The following EXOSC1 variants were observed in gnomAD, a reference collection of about 807,000 sequenced individuals.
EXOSC1 encodes the protein exosome component 1.
EXOSC1 carries 27 observed loss-of-function variants against 31.4 expected under a neutral mutation model. The observed-to-expected ratio is 0.86, with a 90% CI of 0.63 to 1.18. The LOEUF is 1.18. Among genes scored for constraint, EXOSC1 ranks in the 50% most tolerant of loss-of-function variants. The probability of loss-of-function intolerance (pLI) is 0.00; values close to 1 mark genes in which losing one functional copy is unlikely to be tolerated. For missense variants in EXOSC1, 228 were observed against 250.3 expected (o/e 0.91, Z 0.60); for synonymous variants, 84 against 89.5 (o/e 0.94, Z 0.35).
At chr10:97,445,614 A>T in intron 2 of EXOSC1, 118 bp downstream of exon 2, 1 of 859,872 alleles carries the variant, frequency 1.2e-6, no homozygotes, top group Admixed American at 2.6e-5. Flanking sequence ...AAACTAAGAG[A>T]CCAACATTGT....
At chr10:97,443,214 C>T in intron 3 of EXOSC1, 23 bp downstream of exon 3, 1 of 1,603,316 alleles carries the variant, frequency 6.2e-7, no homozygotes, top group Non-Finnish European at 8.5e-7. Context: ...GCATTCTAAG[C>T]ATGGAGGTCA....
At position 97,445,950 on chromosome 10, in the gene EXOSC1, C is replaced by T. The variant is rs775577422; in HGVS notation, c.31+5G>A. 18 of 1,614,112 alleles carry T rather than the reference C, an allele frequency of 1.1e-5. No homozygotes were observed. In the Admixed American group the frequency reaches 2.8e-4, roughly 25 times the overall value. On this transcript the variant is annotated splice_donor_5th_base_variant and intron_variant, in intron 1 of 7. Transcript: ENST00000370902. The stretch of plus-strand genomic sequence containing the variant: ...CAGGACTCTGTACGGGAAGCGCTCA[C>T]TTACCGGGGATGCAGTATCTCACAG...
chr10:97,437,823 T>A, intron 5 of EXOSC1, 73 bp from the exon 6 acceptor site: 1 of 1,258,516 alleles, frequency 7.9e-7, no homozygotes, highest in South Asian at 1.2e-5. Flanking sequence ...ACGCTTCTGG[T>A]AAAGCCAATC....
At chr10:97,441,018 G>A (rs1165118665) in intron 4 of EXOSC1, 153 bp downstream of exon 4, 1 of 559,866 alleles carries the variant, frequency 1.8e-6, no homozygotes, top group Non-Finnish European at 3.1e-6. Context: ...TGTATTTTTT[G>A]GATACTACTA....
intron 4 of EXOSC1, among the ~76,000 whole-genome samples, chr10:97,439,218 T>G (rs1355996544): frequency 6.6e-6 from 1 of 152,090 alleles, no homozygotes; most frequent in Non-Finnish European, 1.5e-5. Flanking sequence ...TAAAGGCAGA[T>G]CGGATTTGGC....
At chr10:97,438,141 A>T (rs552052806) in intron 5 of EXOSC1, among the ~76,000 whole-genome samples, 10 of 150,918 alleles carry the variant, frequency 6.6e-5, no homozygotes, top group South Asian at 6.3e-4. Flanking sequence ...CTGGTCTTGA[A>T]CTCCTGACCT....
chr10:97,436,469 T>C lies in EXOSC1; in HGVS notation c.564A>G (p.Val188=). 6.2e-7 allele frequency: 1 copy of C among 1,613,308 alleles called. No homozygotes were observed. Among genetic ancestry groups the C allele is most frequent in the Non-Finnish European group, 8.5e-7 (1 of 1,179,634 alleles). The change falls in exon 8 of 8, where the codon GTA becomes GTG. Residue 188 remains valine (V), a synonymous_variant. Coordinates refer to ENST00000370902, the MANE Select transcript of EXOSC1 (RefSeq NM_016046.5). ...CTTAGGTCTGCAAGAATTCGGGTTG[T>C]ACTCGGGCTACTTTCCGGAATTCTT... The part of the protein sequence containing the change: ...HTKEFRKVAR[V]QPEFLQT
At chr10:97,442,466 C>T (rs946315030) in intron 3 of EXOSC1, among the ~76,000 whole-genome samples, 7 of 152,156 alleles carry the variant, frequency 4.6e-5, no homozygotes, top group African/African-American at 1.7e-4. Context: ...CAACCACTAG[C>T]CACAAGTGGC....
intron 6 of EXOSC1, 123 bp downstream of exon 6, chr10:97,437,577 A>C (rs1443543239): frequency 1.2e-6 from 1 of 846,858 alleles, no homozygotes; most frequent in Non-Finnish European, 2.0e-6. Flanking sequence ...CGAACTCCTG[A>C]CCTCAGGTGA....
Position 97,445,993 on chromosome 10 carries a change from G to C in EXOSC1, c.-8C>G, listed in dbSNP as rs147532741. 1.2e-6 allele frequency: 2 copies of C among 1,614,214 alleles called. No individual in the cohort carries two copies. The highest frequency in any genetic ancestry group is 1.7e-6 in the Non-Finnish European group (2 of 1,180,042). On this transcript the variant is annotated 5_prime_UTR_variant, in exon 1 of 8. Transcript: ENST00000370902. ...TCTCACAGGTGGCGCCATGATTGCC[G>C]CTGTCCCAAAACCAGGATGAAAACG...
intron 5 of EXOSC1, 65 bp from the exon 6 acceptor site, chr10:97,437,815 G>A (rs548480556): frequency 4.1e-5 from 56 of 1,354,082 alleles, no homozygotes; most frequent in Non-Finnish European, 4.6e-5. Flanking sequence ...AACTGTGAAC[G>A]CTTCTGGTAA....
rs749740686 is a variant in EXOSC1 at position 97,437,289 on chromosome 10, A to G, written c.397-14T>C. The G allele has an allele frequency of 1.9e-6, 3 of 1,605,108 alleles. No homozygotes were observed. Among genetic ancestry groups the G allele is most frequent in the Admixed American group, 3.4e-5 (2 of 59,442 alleles). On this transcript the variant is annotated splice_polypyrimidine_tract_variant and intron_variant, in intron 6 of 7. Coordinates refer to ENST00000370902, the MANE Select transcript of EXOSC1 (RefSeq NM_016046.5). Reference sequence around the variant, plus strand: ...ACCTAAGGAGATCTAGTCACATAACACCGGTGAAGGAAAATGAGGAGTTAG... The same window carrying G: ...ACCTAAGGAGATCTAGTCACATAACGCCGGTGAAGGAAAATGAGGAGTTAG...
At chr10:97,437,169 T>C (rs1272679031) in intron 7 of EXOSC1, 22 bp downstream of exon 7, 1 of 1,605,000 alleles carries the variant, frequency 6.2e-7, no homozygotes, top group Admixed American at 1.7e-5. Flanking sequence ...AAAGTAAGGA[T>C]GTGGAAACAA....
intron 3 of EXOSC1, among the ~76,000 whole-genome samples, chr10:97,442,070 G>A (rs1482663333): frequency 3.3e-5 from 5 of 151,450 alleles, no homozygotes; most frequent in African/African-American, 1.2e-4. Flanking sequence ...CCAGCTACTC[G>A]GGAGGCAGAG....
chr10:97,441,168 T>C lies in EXOSC1; in HGVS notation c.311+3A>G, dbSNP rs894027342. On this transcript the variant is annotated splice_donor_region_variant and intron_variant, in intron 4 of 7. Coordinates refer to ENST00000370902, the MANE Select transcript of EXOSC1 (RefSeq NM_016046.5). ...AGGTATATGTGAAAAGGATACTTCT[T>C]ACCGGATAGTTCCTCGAAAAGAGTT... The C allele has an allele frequency of 1.9e-6, 3 of 1,612,760 alleles. No individual in the cohort carries two copies. The highest frequency in any genetic ancestry group is 2.5e-6 in the Non-Finnish European group (3 of 1,178,786).
Position 97,441,183 on chromosome 10 carries a change from C to G in EXOSC1, c.299G>C (p.Arg100Pro). Residue 100 changes from arginine to proline, a missense_variant, in exon 4 of 8, where the codon CGA becomes CCA. Physicochemically the swap from Arg to Pro is moderately radical, Grantham distance 103. Coordinates refer to ENST00000370902, the MANE Select transcript of EXOSC1 (RefSeq NM_016046.5). ...VGSMPLKNSFRGTIRKEDVRA... is the reference protein window; with the variant it reads ...VGSMPLKNSFPGTIRKEDVRA... ...GGATACTTCTTACCGGATAGTTCCT[C>G]GAAAAGAGTTCTTAAGAGGCATGGA... The G allele has an allele frequency of 6.2e-7, 1 of 1,613,788 alleles. No individual in the cohort carries two copies. Among genetic ancestry groups the G allele is most frequent in the Non-Finnish European group, 8.5e-7 (1 of 1,179,792 alleles).
At chr10:97,440,535 T>TA in intron 4 of EXOSC1, among the ~76,000 whole-genome samples, 1 of 146,192 alleles carries the variant, frequency 6.8e-6, no homozygotes, top group South Asian at 2.2e-4. Context: ...TTTTTTTTTT[T>TA]AAAGACAGAG....
Position 97,437,395 on chromosome 10 carries a change from G to C in EXOSC1, c.397-120C>G, listed in dbSNP as rs141692186. On this transcript the variant is annotated intron_variant, in intron 6 of 7. Coordinates refer to ENST00000370902, the MANE Select transcript of EXOSC1 (RefSeq NM_016046.5). ...AGATGGAGTCTTGCTCCGTTAACCAGGCTGGAGTGCGGTGGCGTGATATCA... is the reference window on the plus strand; with the variant it reads ...AGATGGAGTCTTGCTCCGTTAACCACGCTGGAGTGCGGTGGCGTGATATCA... 5.2e-6 allele frequency: 4 copies of C among 763,182 alleles called. No homozygotes were observed. In the East Asian group the frequency reaches 7.6e-5, roughly 15 times the overall value. 47.3% of individuals were successfully genotyped at this position (763,182 alleles called of 1,614,324 possible). A position where few individuals can be genotyped will look rare whatever the true frequency, so the allele number is the denominator to read the frequency against.
intron 3 of EXOSC1, among the ~76,000 whole-genome samples, chr10:97,442,763 C>T (rs920023422): frequency 2.0e-5 from 3 of 152,180 alleles, no homozygotes; most frequent in Non-Finnish European, 4.4e-5. Flanking sequence ...TCACTGCAAC[C>T]TCCACCTCCT....
Sources: gnomAD v4.1 joint callset for allele counts (sites outside exome capture counted in the v4.1 genomes callset) on GRCh38, gnomAD v4.1.1 for gene constraint, MANE v1.5 for transcripts, NCBI Gene and HGNC (gene_info 2026-07-23, HGNC 2026-07-21) for gene names.